PIK3C2A: variants seen among roughly 807,000 people sequenced by gnomAD.
PIK3C2A encodes the protein phosphatidylinositol 4-phosphate 3-kinase C2 domain-containing subunit alpha.
A neutral mutation model predicts 204.5 loss-of-function variants in PIK3C2A; 97 were observed. The ratio of observed to expected loss-of-function variants is 0.47; its 90% CI spans 0.40 to 0.56. The LOEUF (loss-of-function observed/expected upper bound fraction) is 0.56, where lower values mean the gene tolerates loss of function less well. Ranked by LOEUF, PIK3C2A falls within the 20% of genes least tolerant of loss-of-function variation. PIK3C2A has a pLI of 0.00. For synonymous variants in PIK3C2A, 653 were observed against 664.4 expected (o/e 0.98, Z 0.26); for missense variants, 1,735 against 1,969.2 (o/e 0.88, Z 2.25).
At chr11:17,137,873 T>C (rs1444572023) in intron 8 of PIK3C2A, 1 of 351,464 alleles carries the variant, frequency 2.8e-6, no homozygotes, top group African/African-American at 2.1e-5. Context: ...GAAAGGACCC[T>C]CCAAGGCCAA....
At chr11:17,112,092 C>T (rs1234361151) in intron 21 of PIK3C2A, among the ~76,000 whole-genome samples, 1 of 151,896 alleles carries the variant, frequency 6.6e-6, no homozygotes, top group East Asian at 1.9e-4. Context: ...TCCACGTGTC[C>T]AACTCATTGA....
At chr11:17,100,189 T>A (rs1173072536) in intron 25 of PIK3C2A, among the ~76,000 whole-genome samples, 1 of 143,642 alleles carries the variant, frequency 7.0e-6, no homozygotes, top group African/African-American at 2.6e-5. Flanking sequence ...AAAAACCCAG[T>A]TTATAGAATT....
chr11:17,160,215 C>T (rs2137461226), intron 2 of PIK3C2A, among the ~76,000 whole-genome samples: 1 of 152,126 alleles, frequency 6.6e-6, no homozygotes, highest in Middle Eastern at 3.4e-3. Flanking sequence ...AAATTGGAGC[C>T]TCAAGAATAA....
intron 1 of PIK3C2A, among the ~76,000 whole-genome samples, chr11:17,180,749 G>A (rs1484978376): frequency 6.6e-6 from 1 of 152,158 alleles, no homozygotes; most frequent in Non-Finnish European, 1.5e-5. Flanking sequence ...TTGAACCCGG[G>A]AGGCAGAGGT....
At chr11:17,133,981 C>T (rs148007633) in intron 11 of PIK3C2A, among the ~76,000 whole-genome samples, 1 of 152,036 alleles carries the variant, frequency 6.6e-6, no homozygotes, top group East Asian at 1.9e-4. Context: ...GCCTAATTAA[C>T]TGACATTTGC....
chr11:17,121,749 GTA>G (rs752292554), intron 15 of PIK3C2A, among the ~76,000 whole-genome samples: 8 of 151,946 alleles, frequency 5.3e-5, no homozygotes, highest in Non-Finnish European at 1.2e-4. Flanking sequence ...TTGTTTAAAA[GTA>G]TTGTATTTTT....
chr11:17,194,165 T>C lies in PIK3C2A; in HGVS notation c.-66+13683A>G. The C allele has an allele frequency of 4.3e-6, 3 of 704,104 alleles. No individual in the cohort carries two copies. In the South Asian group the frequency reaches 1.5e-4, roughly 35 times the overall value. The allele number at this position is 704,104 out of a possible 1,614,324, so 43.6% of individuals were successfully genotyped here. On this transcript the variant is annotated intron_variant, in intron 1 of 32. Transcript: ENST00000691414. ...CCACCCCAAGCTTGGGAAGCGTGCT[T>C]GTGCCCGCATTGCCAAGGGGCTTGG...
intron 25 of PIK3C2A, among the ~76,000 whole-genome samples, chr11:17,100,650 G>A (rs1848598853): frequency 1.3e-5 from 2 of 152,166 alleles, no homozygotes; most frequent in African/African-American, 4.8e-5. Context: ...TACCCACTAA[G>A]TAACTTCTCA....
intron 2 of PIK3C2A, among the ~76,000 whole-genome samples, chr11:17,168,274 A>G (rs188553097): frequency 2.4e-4 from 37 of 152,292 alleles, no homozygotes; most frequent in African/African-American, 8.7e-4. Context: ...AAAGTGAAAA[A>G]TATTTTTTTT....
At chr11:17,131,866 G>C in intron 12 of PIK3C2A, 50 bp downstream of exon 12, 9 of 1,515,080 alleles carry the variant, frequency 5.9e-6, no homozygotes, top group Non-Finnish European at 8.1e-6. Flanking sequence ...ATTGGAAAAA[G>C]TAAACAACAG....
intron 12 of PIK3C2A, 99 bp from the exon 13 acceptor site, chr11:17,129,566 C>A: frequency 1.4e-6 from 1 of 733,086 alleles, no homozygotes. Flanking sequence ...TGTATTTAAC[C>A]TTTCAAATAA....
chr11:17,173,825 C>CA (rs2137502267), intron 1 of PIK3C2A, among the ~76,000 whole-genome samples: 1 of 152,240 alleles, frequency 6.6e-6, no homozygotes, highest in East Asian at 1.9e-4. Flanking sequence ...TTTGTTTAGA[C>CA]AGAGTCTCAT....
rs1182114321 is a variant in PIK3C2A, at chr11:17,169,716, C to G, written c.26G>C (p.Gly9Ala). Reference protein sequence around the residue: MAQISSNSGFKECPSSHPE... With the variant: MAQISSNSAFKECPSSHPE... Reference sequence around the variant, plus strand: ...ATGTGAAGATGGACATTCTTTAAATCCGCTGTTGCTAGATATCTGAGCCAT... The same window carrying G: ...ATGTGAAGATGGACATTCTTTAAATGCGCTGTTGCTAGATATCTGAGCCAT... Residue 9 changes from glycine (G) to alanine (A), a missense_variant, in exon 2 of 33, where the codon GGA (glycine) becomes GCA (alanine). Around this residue, in one of 6 missense-constraint regions of PIK3C2A, gnomAD observed 536 missense variants for 546.7 expected, o/e 0.98. Transcript: ENST00000691414. The G allele has an allele frequency of 3.1e-6, 5 of 1,603,662 alleles. No homozygotes were observed. The Admixed American group carries it at 6.7e-5, about 22-fold the overall frequency.
At chr11:17,199,789 G>GC (rs1852300994) in intron 1 of PIK3C2A, among the ~76,000 whole-genome samples, 1 of 151,954 alleles carries the variant, frequency 6.6e-6, no homozygotes, top group Non-Finnish European at 1.5e-5. Context: ...GCTGGGCGTG[G>GC]TGGTACATGC....
chr11:17,205,212 C>T (rs1041586216), intron 1 of PIK3C2A, among the ~76,000 whole-genome samples: 2 of 151,644 alleles, frequency 1.3e-5, no homozygotes, highest in African/African-American at 4.9e-5. Context: ...TAGCTCAAGC[C>T]TGTAATCCCA....
intron 1 of PIK3C2A, among the ~76,000 whole-genome samples, chr11:17,178,114 A>AAT (rs141364518): frequency 5.5e-5 from 4 of 73,236 alleles, no homozygotes; most frequent in Admixed American, 1.7e-4. Flanking sequence ...AAAAAAAAAG[A>AAT]AAAAAAAAAT....
intron 18 of PIK3C2A, 37 bp from the exon 19 acceptor site, chr11:17,117,708 GTTTTTTTT>G (rs35485246): frequency 1.9e-5 from 6 of 318,590 alleles, no homozygotes; most frequent in Admixed American, 1.2e-4. Flanking sequence ...TCACGTCTTG[GTTTTTTTT>G]TTTTTTTTTT....
chr11:17,199,620 A>G (rs999148386), intron 1 of PIK3C2A, among the ~76,000 whole-genome samples: 12 of 152,388 alleles, frequency 7.9e-5, no homozygotes, highest in South Asian at 4.1e-4. Context: ...CAATCACACG[A>G]AAGATCTAGA....
intron 18 of PIK3C2A, among the ~76,000 whole-genome samples, chr11:17,117,934 C>T (rs1335411581): frequency 2.0e-5 from 3 of 151,794 alleles, no homozygotes; most frequent in East Asian, 1.9e-4. Context: ...AGGATGGTCT[C>T]GATCTCCTGA....
Sources: allele counts gnomAD v4.1 joint callset (sites outside exome capture counted in the v4.1 genomes callset), GRCh38; gene constraint gnomAD v4.1.1; regional missense constraint gnomAD v4.1.1; transcripts MANE v1.5; gene names NCBI Gene and HGNC (gene_info 2026-07-23, HGNC 2026-07-21).